Variants in B3GALT1 observed in about 807,000 individuals in gnomAD.
The protein encoded by B3GALT1 is UDP-Gal:betaGlcNAc beta 1,3-galactosyltransferase, polypeptide 1.
In B3GALT1, 10 loss-of-function variants were observed where a neutral mutation model predicts 23.2. The ratio of observed to expected loss-of-function variants is 0.43; its 90% confidence interval spans 0.27 to 0.73. The LOEUF is 0.73. B3GALT1 is among the 30% of genes least tolerant of loss of function. The probability of loss-of-function intolerance (pLI) is 0.21; values close to 1 mark genes in which losing one functional copy is unlikely to be tolerated. For synonymous variants in B3GALT1, 156 were observed against 141.5 expected, an observed-to-expected ratio of 1.10 and a Z score of -0.73; for missense variants, 299 against 405.4, an observed-to-expected ratio of 0.74 and a Z score of 2.25.
chr2:167,413,504 C>A (rs1203191039), intron 1 of B3GALT1, among the ~76,000 whole-genome samples: 1 of 151,914 alleles, frequency 6.6e-6, no homozygotes, highest in African/African-American at 2.4e-5. Flanking sequence ...ATTACTTCCT[C>A]CTATTTTGTC....
intron 3 of B3GALT1, among the ~76,000 whole-genome samples, chr2:167,749,702 T>A (rs142181019): frequency 4.6e-5 from 7 of 152,346 alleles, no homozygotes; most frequent in Non-Finnish European, 5.9e-5. Context: ...GAAGTTGTTT[T>A]AAATGCCTTA....
At chr2:167,541,498 C>A (rs150619213) in intron 2 of B3GALT1, among the ~76,000 whole-genome samples, 5 of 151,920 alleles carry the variant, frequency 3.3e-5, no homozygotes, top group Admixed American at 3.3e-4. Context: ...CATGATGAAA[C>A]GTGAAGATTT....
intron 1 of B3GALT1, among the ~76,000 whole-genome samples, chr2:167,376,595 C>A (rs1697767453): frequency 6.6e-6 from 1 of 152,050 alleles, no homozygotes; most frequent in African/African-American, 2.4e-5. Flanking sequence ...AGAAATTTAT[C>A]TGTTTCTTGT....
At chr2:167,646,158 A>G (rs757376174) in intron 2 of B3GALT1, among the ~76,000 whole-genome samples, 8 of 152,204 alleles carry the variant, frequency 5.3e-5, no homozygotes, top group Admixed American at 1.3e-4. Context: ...GGTACAAATT[A>G]AATTTCCTGA....
At chr2:167,822,796 T>G (rs72880393) in intron 4 of B3GALT1, among the ~76,000 whole-genome samples, 3 of 151,986 alleles carry the variant, frequency 2.0e-5, no homozygotes, top group Non-Finnish European at 4.4e-5. Context: ...ACAGTGAAAA[T>G]TAAGCTCCTT....
At chr2:167,665,421 T>G (rs1234720198) in intron 3 of B3GALT1, among the ~76,000 whole-genome samples, 2 of 148,354 alleles carry the variant, frequency 1.3e-5, no homozygotes, top group Non-Finnish European at 1.5e-5. Context: ...GGTCTAAAAT[T>G]CTCTTTTTTG....
chr2:167,415,958 A>T (rs1364231998), intron 1 of B3GALT1, among the ~76,000 whole-genome samples: 1 of 150,466 alleles, frequency 6.6e-6, no homozygotes, highest in Admixed American at 6.6e-5. Context: ...CTGTGAGTTT[A>T]AAAAAAAATG....
intron 1 of B3GALT1, among the ~76,000 whole-genome samples, chr2:167,396,612 A>G (rs1288522179): frequency 6.6e-6 from 1 of 151,046 alleles, no homozygotes; most frequent in East Asian, 1.9e-4. Context: ...TATAAATTAT[A>G]TTTATTTTTG....
At chr2:167,700,384 T>C (rs2105509125) in intron 3 of B3GALT1, among the ~76,000 whole-genome samples, 1 of 152,314 alleles carries the variant, frequency 6.6e-6, no homozygotes, top group South Asian at 2.1e-4. Flanking sequence ...TTATTACCAC[T>C]ATAGAAATAA....
Position 167,771,202 on chromosome 2 carries a change from G to A in B3GALT1, c.-351-47470G>A, listed in dbSNP as rs79849647. Among the ~76,000 whole-genome samples the A allele has an allele frequency of 6.2e-3, 947 of 152,278 alleles. 7 individuals are homozygous for A. The highest frequency in any genetic ancestry group is 0.021 in the African/African-American group (892 of 41,570). ...GGATTAAATGTGGTAACGTGAAAGC[G>A]TCTTCATAGTGCCTGACATATATTG... is the stretch of plus-strand genomic sequence containing the variant. On this transcript the variant is annotated intron_variant, in intron 3 of 4. Transcript: ENST00000392690.
At chr2:167,809,850 G>GT (rs1688841619) in intron 3 of B3GALT1, among the ~76,000 whole-genome samples, 1 of 152,044 alleles carries the variant, frequency 6.6e-6, no homozygotes, top group Non-Finnish European at 1.5e-5. Flanking sequence ...GGATTCTGCT[G>GT]CCTTTTGTTT....
chr2:167,699,048 T>G (rs1349479857), intron 3 of B3GALT1, among the ~76,000 whole-genome samples: 1 of 152,178 alleles, frequency 6.6e-6, no homozygotes, highest in Non-Finnish European at 1.5e-5. Context: ...AAAATAATTT[T>G]TAACATATTT....
At chr2:167,357,818 C>A (rs760678041) in intron 1 of B3GALT1, among the ~76,000 whole-genome samples, 9 of 152,144 alleles carry the variant, frequency 5.9e-5, no homozygotes, top group Non-Finnish European at 1.2e-4. Flanking sequence ...TTTAATAAAA[C>A]ATTGCACATT....
chr2:167,551,834 A>G (rs954235774), intron 2 of B3GALT1, among the ~76,000 whole-genome samples: 7 of 152,148 alleles, frequency 4.6e-5, no homozygotes, highest in African/African-American at 1.7e-4. Flanking sequence ...GAGAAGTGGC[A>G]CTATGTCTCC....
chr2:167,682,387 C>T (rs1686546548), intron 3 of B3GALT1, among the ~76,000 whole-genome samples: 3 of 152,168 alleles, frequency 2.0e-5, no homozygotes, highest in Admixed American at 6.5e-5. Flanking sequence ...GTAATTTCTG[C>T]TGCCATGTTA....
chr2:167,700,472 C>T (rs961249766), intron 3 of B3GALT1, among the ~76,000 whole-genome samples: 2 of 152,124 alleles, frequency 1.3e-5, no homozygotes, highest in Admixed American at 1.3e-4. Context: ...TTTGGAACAT[C>T]AATTTTGGGA....
At chr2:167,650,324 G>A (rs115069142) in intron 3 of B3GALT1, among the ~76,000 whole-genome samples, 9,229 of 147,774 alleles carry the variant, frequency 0.062, 980 homozygotes, top group African/African-American at 0.22. Flanking sequence ...ATGTGTGTGT[G>A]TATATATATA....
At chr2:167,477,744 G>A (rs1403832135) in intron 1 of B3GALT1, among the ~76,000 whole-genome samples, 3 of 152,140 alleles carry the variant, frequency 2.0e-5, no homozygotes, top group African/African-American at 7.2e-5. Context: ...CAATTTTAAA[G>A]AATGAGTAGT....
At chr2:167,547,109 G>C (rs551459841) in intron 2 of B3GALT1, among the ~76,000 whole-genome samples, 2 of 152,100 alleles carry the variant, frequency 1.3e-5, no homozygotes, top group South Asian at 2.1e-4. Flanking sequence ...GCACGTCCTC[G>C]GTCTTCTCAA....
Sources: gnomAD v4.1 joint callset for allele counts (sites outside exome capture counted in the v4.1 genomes callset) on GRCh38, gnomAD v4.1.1 for gene constraint, MANE v1.5 for transcripts, NCBI Gene and HGNC (gene_info 2026-07-23, HGNC 2026-07-21) for gene names.